Variants in PEX1 observed in about 807,000 individuals in gnomAD.
The protein encoded by PEX1 is peroxisomal biogenesis factor 1.
In PEX1, 97 loss-of-function variants were observed where a neutral mutation model predicts 152.5. The observed-to-expected ratio is 0.64, with a 90% CI of 0.54 to 0.75. PEX1 has a LOEUF of 0.75. PEX1 is among the 30% of genes least tolerant of loss of function. PEX1 has a pLI of 0.00. For missense variants in PEX1, 1,357 were observed against 1,516.3 expected, an observed-to-expected ratio of 0.89 and a Z score of 1.74; for synonymous variants, 485 against 531.6, an observed-to-expected ratio of 0.91 and a Z score of 1.21.
intron 14 of PEX1, 51 bp downstream of exon 14, chr7:92,501,839 C>A: frequency 6.7e-7 from 1 of 1,503,028 alleles, no homozygotes; most frequent in Non-Finnish European, 9.3e-7. Context: ...AATTACATTT[C>A]TCCACAATAG....
At position 92,518,291 on chromosome 7, in the gene PEX1, C is replaced by T. The variant is rs367912661; in HGVS notation, c.358-36G>A. On this transcript the variant is annotated intron_variant, in intron 3 of 23. Coordinates refer to ENST00000248633, the MANE Select transcript of PEX1 (RefSeq NM_000466.3). The stretch of plus-strand genomic sequence containing the variant: ...CAGACGAAAAGATCAATTCACTTTA[C>T]ATTTTGTCCACTCCATATCTAGTTA... 3.1e-5 allele frequency: 41 copies of T among 1,311,506 alleles called. No individual in the cohort carries two copies. The African/African-American group carries it at 3.5e-4, about 11-fold the overall frequency. 81.2% of individuals were successfully genotyped at this position (1,311,506 alleles called of 1,614,324 possible). A position where few individuals can be genotyped will look rare whatever the true frequency, so the allele number is the denominator to read the frequency against.
intron 12 of PEX1, among the ~76,000 whole-genome samples, chr7:92,503,875 A>G (rs1333032864): frequency 6.6e-6 from 1 of 152,116 alleles, no homozygotes; most frequent in Non-Finnish European, 1.5e-5. Context: ...TTCAGCTCTT[A>G]AGAACCTTGA....
At chr7:92,489,507 C>A in intron 22 of PEX1, 84 bp from the exon 23 acceptor site, 1 of 1,258,496 alleles carries the variant, frequency 7.9e-7, no homozygotes, top group Non-Finnish European at 1.1e-6. Flanking sequence ...TTCTTATTGT[C>A]AGTTTTTTCA....
chr7:92,491,271 C>A lies in PEX1; in HGVS notation c.3438+1G>T, dbSNP rs1554367284. ...TGTATAATGATGACTGCACAAGATACCAAATCAGAAGAGGTTCCATTTCCA... is the reference window on the plus strand; with the variant it reads ...TGTATAATGATGACTGCACAAGATAACAAATCAGAAGAGGTTCCATTTCCA... On this transcript the variant is annotated splice_donor_variant, in intron 21 of 23. Transcript: ENST00000248633. LOFTEE classifies it high-confidence loss of function. 2 of 1,581,416 alleles carry A rather than the reference C, an allele frequency of 1.3e-6. No homozygotes were observed. The highest frequency in any genetic ancestry group is 1.7e-6 in the Non-Finnish European group (2 of 1,150,244).
At chr7:92,527,989 A>T (rs1424163731) in intron 1 of PEX1, among the ~76,000 whole-genome samples, 1 of 152,278 alleles carries the variant, frequency 6.6e-6, no homozygotes, top group East Asian at 1.9e-4. Context: ...CACCTTTTAA[A>T]ATAATAAAAA....
intron 5 of PEX1, among the ~76,000 whole-genome samples, chr7:92,516,768 G>A (rs1276055002): frequency 4.6e-5 from 7 of 152,148 alleles, no homozygotes; most frequent in South Asian, 2.1e-4. Flanking sequence ...AGCAGACACC[G>A]GCAGGGTAAG....
chr7:92,525,255 T>G (rs1159773459), intron 1 of PEX1, among the ~76,000 whole-genome samples: 1 of 152,172 alleles, frequency 6.6e-6, no homozygotes, highest in Non-Finnish European at 1.5e-5. Context: ...AATCAATTAA[T>G]TGACCTTCTT....
At chr7:92,513,208 T>C (rs1463610856) in intron 6 of PEX1, among the ~76,000 whole-genome samples, 1 of 152,212 alleles carries the variant, frequency 6.6e-6, no homozygotes, top group Non-Finnish European at 1.5e-5. Context: ...TTCCTAGGTA[T>C]ATCCCAAAGG....
intron 12 of PEX1, among the ~76,000 whole-genome samples, 177 bp from the exon 13 acceptor site, chr7:92,503,372 T>C (rs1792028678): frequency 6.6e-6 from 1 of 152,210 alleles, no homozygotes; most frequent in Non-Finnish European, 1.5e-5. Flanking sequence ...GATTTATCTA[T>C]TGAGGACCTA....
intron 1 of PEX1, among the ~76,000 whole-genome samples, chr7:92,528,023 C>G (rs1482812261): frequency 6.6e-6 from 1 of 152,260 alleles, no homozygotes; most frequent in African/African-American, 2.4e-5. Context: ...AGGAGCTTTT[C>G]CAGCCTGGAA....
At chr7:92,527,848 C>T (rs998726799) in intron 1 of PEX1, among the ~76,000 whole-genome samples, 2 of 152,268 alleles carry the variant, frequency 1.3e-5, no homozygotes, top group Non-Finnish European at 2.9e-5. Context: ...ATTGTATTAA[C>T]CTTTCCCGCT....
chr7:92,522,378 T>C lies in PEX1; in HGVS notation c.130-133A>G, dbSNP rs1344567002. ...GATAGTTCTCTGTTATCTACATTTG[T>C]TGTAGCATTTAAAAATCTATAATCA... On this transcript the variant is annotated intron_variant, in intron 1 of 23. Transcript: ENST00000248633. 3 of 859,390 alleles carry C rather than the reference T, an allele frequency of 3.5e-6. No homozygotes were observed. In the African/African-American group the frequency reaches 5.1e-5, roughly 15 times the overall value. The allele number at this position is 859,390 out of a possible 1,614,324, so 53.2% of individuals were successfully genotyped here. A position where few individuals can be genotyped will look rare whatever the true frequency, so the allele number is the denominator to read the frequency against.
chr7:92,502,740 GA>G (rs1042429300), intron 13 of PEX1, among the ~76,000 whole-genome samples: 1 of 150,858 alleles, frequency 6.6e-6, no homozygotes, highest in Non-Finnish European at 1.5e-5. Flanking sequence ...TGTGATGGTG[GA>G]AAAAAAAAGT....
In PEX1 at chr7:92,517,694, T is replaced by C; in HGVS notation, c.821A>G (p.Lys274Arg). Residue 274 changes from lysine to arginine, a missense_variant, in exon 5 of 24, where the codon AAA becomes AGA. Transcript: ENST00000248633. ...SWGLTEINAF[K>R]NMQSKVVPLD... Reference sequence around the variant, plus strand: ...AGGAACAACCTTTGACTGCATATTTTTGAATGCATTGATTTCAGTTAAACC... The same window carrying C: ...AGGAACAACCTTTGACTGCATATTTCTGAATGCATTGATTTCAGTTAAACC... 1.9e-6 allele frequency: 3 copies of C among 1,613,632 alleles called. No individual in the cohort carries two copies. The highest frequency in any genetic ancestry group is 2.5e-6 in the Non-Finnish European group (3 of 1,179,786).
chr7:92,499,822 G>A lies in PEX1; in HGVS notation c.2600C>T (p.Ala867Val), dbSNP rs748744593. Reference sequence around the variant, plus strand: ...TGTTCTTTGTCGTATGGGCAAGTTTGCAAATAATTCTGGATACTGAGAAAC... The same window carrying A: ...TGTTCTTTGTCGTATGGGCAAGTTTACAAATAATTCTGGATACTGAGAAAC... Reference protein sequence around the residue: ...QLPAKYPELFANLPIRQRTGI... With the variant: ...QLPAKYPELFVNLPIRQRTGI... The change falls in exon 16 of 24, where the codon GCA becomes GTA. Residue 867 changes from alanine (A) to valine (V), a missense_variant. By Grantham distance (64) the Ala-to-Val change is moderately conservative (BLOSUM62 0). Transcript: ENST00000248633. The A allele has an allele frequency of 1.2e-6, 2 of 1,603,294 alleles. No homozygotes were observed. Among genetic ancestry groups the A allele is most frequent in the Non-Finnish European group, 1.7e-6 (2 of 1,174,008 alleles).
intron 21 of PEX1, 135 bp downstream of exon 21, chr7:92,491,137 A>G: frequency 1.5e-6 from 1 of 667,234 alleles, no homozygotes; most frequent in Non-Finnish European, 2.7e-6. Flanking sequence ...GTAAGCAAGA[A>G]ACAAGACTAT....
rs1479161538 is a variant in PEX1 at position 92,528,436 on chromosome 7, C to T, written c.-1G>A. 9 of 1,581,410 alleles carry T rather than the reference C, an allele frequency of 5.7e-6. No individual in the cohort carries two copies. The highest frequency in any genetic ancestry group is 2.3e-5 in the East Asian group (1 of 43,456). Reference sequence around the variant, plus strand: ...CCGCCAGGCGATCGCTGCCCCACATCGTCCCGGAGCGTCGCTCTGGGTTCG... The same window carrying T: ...CCGCCAGGCGATCGCTGCCCCACATTGTCCCGGAGCGTCGCTCTGGGTTCG... On this transcript the variant is annotated 5_prime_UTR_variant, in exon 1 of 24. Transcript: ENST00000248633.
Position 92,517,330 on chromosome 7 carries a change from G to C in PEX1, c.1185C>G (p.Asn395Lys). ...QVVWNGLEEL[N>K]NAIKYTKNVE... ...CATTTTTGGTATATTTGATGGCATT[G>C]TTCAATTCTTCAAGTCCATTCCAGA... is the stretch of plus-strand genomic sequence containing the variant. Residue 395 changes from asparagine to lysine, a missense_variant, in exon 5 of 24, where the codon AAC becomes AAG. Asn to Lys is a moderately conservative substitution (Grantham distance 94). Transcript: ENST00000248633. 1 of 1,613,550 alleles carries C rather than the reference G, an allele frequency of 6.2e-7. No individual in the cohort carries two copies. The highest frequency in any genetic ancestry group is 8.5e-7 in the Non-Finnish European group (1 of 1,179,648).
At chr7:92,516,461 G>C (rs547293281) in intron 5 of PEX1, among the ~76,000 whole-genome samples, 22 of 151,788 alleles carry the variant, frequency 1.4e-4, no homozygotes, top group Admixed American at 3.9e-4. Flanking sequence ...AATGATGTAG[G>C]CCAAAGAGAT....
Sources: allele counts gnomAD v4.1 joint callset (sites outside exome capture counted in the v4.1 genomes callset), GRCh38; gene constraint gnomAD v4.1.1; transcripts MANE v1.5; gene names NCBI Gene and HGNC (gene_info 2026-07-23, HGNC 2026-07-21).